SORL1: variants seen among roughly 807,000 people sequenced by gnomAD.
The protein encoded by SORL1 is sortilin-related receptor.
Under a neutral mutation model 273.7 loss-of-function variants are expected in SORL1, and 127 were observed. The observed-to-expected ratio is 0.46, with a 90% confidence interval of 0.40 to 0.54. The LOEUF is 0.54. SORL1 is among the 20% of genes least tolerant of loss of function. The probability of loss-of-function intolerance (pLI) is 0.00; values close to 1 mark genes in which losing one functional copy is unlikely to be tolerated. For missense variants in SORL1, 2,494 were observed against 2,846.1 expected (o/e 0.88, Z 2.81); for synonymous variants, 1,031 against 1,067.4 (o/e 0.97, Z 0.66).
At position 121,586,309 on chromosome 11, in the gene SORL1, G is replaced by T; in HGVS notation, c.3794G>T (p.Gly1265Val). 6.2e-7 allele frequency: 1 copy of T among 1,613,974 alleles called. No homozygotes were observed. Among genetic ancestry groups the T allele is most frequent in the Non-Finnish European group, 8.5e-7 (1 of 1,179,818 alleles). ...GATGGTCTGCGTGATTGCTCTGATG[G>T]CTCCGATGAACAGCACTGCGGTGAG... is the stretch of plus-strand genomic sequence containing the variant. ...HCDGLRDCSDGSDEQHCEPLC... is the reference protein window; with the variant it reads ...HCDGLRDCSDVSDEQHCEPLC... Residue 1265 changes from glycine to valine, a missense_variant, in exon 27 of 48, where the codon GGC becomes GTC. Transcript: ENST00000260197.
intron 8 of SORL1, among the ~76,000 whole-genome samples, chr11:121,514,587 C>A (rs572093749): frequency 6.6e-6 from 1 of 152,090 alleles, no homozygotes; most frequent in Non-Finnish European, 1.5e-5. Context: ...ATTTAGGGTC[C>A]GAGCTACTGT....
chr11:121,580,918 CTTTT>C (rs35751378), intron 25 of SORL1, among the ~76,000 whole-genome samples: 1 of 135,576 alleles, frequency 7.4e-6, no homozygotes. Flanking sequence ...TTCTCATACA[CTTTT>C]TTTTTTTTTT....
At chr11:121,565,468 A>C (rs1321613051) in intron 21 of SORL1, among the ~76,000 whole-genome samples, 2 of 152,226 alleles carry the variant, frequency 1.3e-5, no homozygotes, top group Admixed American at 1.3e-4. Context: ...ATCATTCATG[A>C]ACTTCGTCTA....
intron 35 of SORL1, 102 bp downstream of exon 35, chr11:121,605,673 C>T: frequency 3.3e-6 from 3 of 909,954 alleles, no homozygotes; most frequent in Admixed American, 2.0e-5. Flanking sequence ...ATATGTGTGC[C>T]TCACATGTAC....
At position 121,589,272 on chromosome 11, in the gene SORL1, G is replaced by A. The variant is rs1863171180; in HGVS notation, c.3960G>A (p.Glu1320=). ...TTCCCTCTGTAGCCCAAGATCCTGAGTTCCACAAGGTATGTGATGAGTTCG... is the reference window on the plus strand; with the variant it reads ...TTCCCTCTGTAGCCCAAGATCCTGAATTCCACAAGGTATGTGATGAGTTCG... ...AAFAGCSQDP[E]FHKVCDEFGF... Residue 1320 remains glutamate (E), a synonymous_variant, in exon 29 of 48, where the codon GAG becomes GAA. Transcript: ENST00000260197. 6.2e-7 allele frequency: 1 copy of A among 1,613,306 alleles called. No homozygotes were observed. The highest frequency in any genetic ancestry group is 8.5e-7 in the Non-Finnish European group (1 of 1,179,268).
chr11:121,515,479 C>T lies in SORL1; in HGVS notation c.1211+1158C>T, dbSNP rs568293943. Among the ~76,000 whole-genome samples, 5 of 152,236 alleles carry T rather than the reference C, an allele frequency of 3.3e-5. No homozygotes were observed. The South Asian group carries it at 1.0e-3, about 32-fold the overall frequency. On this transcript the variant is annotated intron_variant, in intron 8 of 47. Coordinates refer to ENST00000260197, the MANE Select transcript of SORL1 (RefSeq NM_003105.6). ...AGGGCAGACAGGAAGCACAGTGACTCTGAGGCTGGACTGCACTGGTGTTTT... is the reference window on the plus strand; with the variant it reads ...AGGGCAGACAGGAAGCACAGTGACTTTGAGGCTGGACTGCACTGGTGTTTT...
intron 3 of SORL1, among the ~76,000 whole-genome samples, chr11:121,480,538 T>C (rs1861355917): frequency 2.0e-5 from 3 of 152,068 alleles, no homozygotes; most frequent in Admixed American, 2.0e-4. Flanking sequence ...CTTTTCAGCT[T>C]CATCTCCTCC....
At chr11:121,463,185 C>T (rs1354089664) in intron 1 of SORL1, among the ~76,000 whole-genome samples, 1 of 152,146 alleles carries the variant, frequency 6.6e-6, no homozygotes, top group African/African-American at 2.4e-5. Flanking sequence ...TGTCTCTGAG[C>T]TTAATCTCAT....
rs570725396 is a variant in SORL1 at position 121,466,288 on chromosome 11, C to G, written c.286-3719C>G. Among the ~76,000 whole-genome samples, 4 of 152,106 alleles carry G rather than the reference C, an allele frequency of 2.6e-5. No homozygotes were observed. In the South Asian group the frequency reaches 8.3e-4, roughly 32 times the overall value. ...AACCACCCTCCCACCCACTCCCAGG[C>G]CAGTGTCTTCTGGGTGTGGGACCTG... On this transcript the variant is annotated intron_variant, in intron 1 of 47. Coordinates refer to ENST00000260197, the MANE Select transcript of SORL1 (RefSeq NM_003105.6).
intron 1 of SORL1, among the ~76,000 whole-genome samples, 170 bp from the exon 2 acceptor site, chr11:121,469,837 T>C (rs1458782396): frequency 6.6e-6 from 1 of 152,186 alleles, no homozygotes; most frequent in African/African-American, 2.4e-5. Context: ...GGAAGTTGAG[T>C]GTGACAGAAT....
At chr11:121,505,109 C>G (rs1453806909) in intron 6 of SORL1, among the ~76,000 whole-genome samples, 1 of 152,100 alleles carries the variant, frequency 6.6e-6, no homozygotes, top group African/African-American at 2.4e-5. Context: ...AATTTACCAT[C>G]TTTGTGGGAA....
At chr11:121,469,809 G>A (rs930776451) in intron 1 of SORL1, among the ~76,000 whole-genome samples, 198 bp from the exon 2 acceptor site, 1 of 152,176 alleles carries the variant, frequency 6.6e-6, no homozygotes, top group Non-Finnish European at 1.5e-5. Flanking sequence ...AAATAGCAGG[G>A]GACTCATTTC....
At chr11:121,592,582 A>G (rs954653176) in intron 31 of SORL1, among the ~76,000 whole-genome samples, 1 of 152,210 alleles carries the variant, frequency 6.6e-6, no homozygotes, top group African/African-American at 2.4e-5. Context: ...ATGATCTGCC[A>G]TATATTGCTT....
rs781295199 is a variant in SORL1, at chr11:121,460,394, AT to A, written c.285+7798del. 1.3e-3 allele frequency among the ~76,000 whole-genome samples: 156 copies of A among 122,922 alleles called. 1 individual carries two copies. The highest frequency in any genetic ancestry group is 2.5e-3 in the African/African-American group (79 of 31,906). 80.6% of individuals were successfully genotyped at this position (122,922 alleles called of 152,430 possible). ...GAGCTGAGGTGTAGTGTCATGATGA[AT>A]TTTTTTTTTTTTTTTTTTTGAGACA... On this transcript the variant is annotated intron_variant, in intron 1 of 47. Coordinates refer to ENST00000260197, the MANE Select transcript of SORL1 (RefSeq NM_003105.6).
At chr11:121,591,243 G>A (rs947619384) in intron 31 of SORL1, 87 bp downstream of exon 31, 2 of 1,438,690 alleles carry the variant, frequency 1.4e-6, no homozygotes, top group African/African-American at 1.4e-5. Flanking sequence ...AATCCAACCG[G>A]GCCCCATGCC....
At chr11:121,622,340 A>T in intron 45 of SORL1, 72 bp downstream of exon 45, 1 of 816,520 alleles carries the variant, frequency 1.2e-6, no homozygotes, top group Non-Finnish European at 2.1e-6. Flanking sequence ...GAGCTTGTTG[A>T]CAGCATGCTG....
Position 121,601,466 on chromosome 11 carries a change from C to T in SORL1, c.4520-2727C>T, listed in dbSNP as rs1343328000. On this transcript the variant is annotated intron_variant, in intron 32 of 47. Transcript: ENST00000260197. ...TTCCAGTTCCAGATCCCTGAGGAATCGCCACACTGACTTCCACAATGGTTG... is the reference window on the plus strand; with the variant it reads ...TTCCAGTTCCAGATCCCTGAGGAATTGCCACACTGACTTCCACAATGGTTG... Among the ~76,000 whole-genome samples, 12 of 151,420 alleles carry T rather than the reference C, an allele frequency of 7.9e-5. No individual in the cohort carries two copies. In the East Asian group the frequency reaches 1.2e-3, roughly 15 times the overall value.
chr11:121,484,214 A>T (rs1445781205), intron 3 of SORL1, among the ~76,000 whole-genome samples: 1 of 152,144 alleles, frequency 6.6e-6, no homozygotes, highest in African/African-American at 2.4e-5. Context: ...AATATTCTTG[A>T]CTTTCCCTTT....
At chr11:121,615,805 CAGTA>C (rs111428694) in intron 41 of SORL1, among the ~76,000 whole-genome samples, 21 of 152,096 alleles carry the variant, frequency 1.4e-4, no homozygotes, top group African/African-American at 4.8e-4. Flanking sequence ...ACTGAGCAGC[CAGTA>C]AGTGCCAGGA....
Sources: gnomAD v4.1 joint callset for allele counts (sites outside exome capture counted in the v4.1 genomes callset) on GRCh38, gnomAD v4.1.1 for gene constraint, MANE v1.5 for transcripts, NCBI Gene and HGNC (gene_info 2026-07-23, HGNC 2026-07-21) for gene names.